The following ULK4 variants were observed in gnomAD, a reference collection of about 807,000 sequenced individuals.
ULK4 encodes the protein unc-51 like kinase 4, also known as inactive serine/threonine-protein kinase ULK4.
A neutral mutation model predicts 160.6 loss-of-function variants in ULK4; 133 were observed. The ratio of observed to expected loss-of-function variants is 0.83; its 90% CI spans 0.72 to 0.96. The LOEUF is 0.96. Ranked by LOEUF, ULK4 falls within the 40% of genes least tolerant of loss-of-function variation. The pLI, the probability that ULK4 is intolerant of heterozygous loss-of-function variation, is 0.00. For missense variants in ULK4, 1,580 were observed against 1,499.5 expected (o/e 1.05, Z -0.89); for synonymous variants, 534 against 539.8 (o/e 0.99, Z 0.15).
chr3:41,801,417 T>C (rs2040456766), intron 19 of ULK4, among the ~76,000 whole-genome samples: 1 of 152,072 alleles, frequency 6.6e-6, no homozygotes, highest in African/African-American at 2.4e-5. Flanking sequence ...AAATATTGTC[T>C]GAGAAGTTTT....
intron 35 of ULK4, among the ~76,000 whole-genome samples, chr3:41,357,464 A>G (rs1473583993): frequency 6.6e-6 from 1 of 152,018 alleles, no homozygotes; most frequent in Non-Finnish European, 1.5e-5. Context: ...AGTGGGTGGG[A>G]GCCAGAAGAT....
intron 32 of ULK4, among the ~76,000 whole-genome samples, chr3:41,549,003 G>A (rs535661371): frequency 1.3e-3 from 191 of 152,262 alleles, no homozygotes; most frequent in South Asian, 2.9e-3. Flanking sequence ...AAGCTGAAGT[G>A]CCCTACTCAA....
At chr3:41,791,472 A>G (rs1400357188) in intron 20 of ULK4, among the ~76,000 whole-genome samples, 11 of 152,238 alleles carry the variant, frequency 7.2e-5, no homozygotes, top group Non-Finnish European at 1.3e-4. Context: ...TTATAGCCAG[A>G]AAGGAAAAGG....
chr3:41,773,336 C>A (rs1575683365), intron 21 of ULK4, among the ~76,000 whole-genome samples: 3 of 152,092 alleles, frequency 2.0e-5, no homozygotes, highest in Non-Finnish European at 1.5e-5. Context: ...TGTCTCAGCC[C>A]AAAATATCCT....
chr3:41,722,113 G>A (rs2037491478), intron 22 of ULK4, among the ~76,000 whole-genome samples: 1 of 152,174 alleles, frequency 6.6e-6, no homozygotes, highest in Non-Finnish European at 1.5e-5. Context: ...GGACTGCTGT[G>A]AGGATGTAAA....
chr3:41,667,085 T>G (rs746950259), intron 29 of ULK4, among the ~76,000 whole-genome samples: 27 of 151,972 alleles, frequency 1.8e-4, no homozygotes, highest in Admixed American at 5.9e-4. Context: ...GCCCAGGCAT[T>G]TAAGGCTGCA....
intron 31 of ULK4, among the ~76,000 whole-genome samples, chr3:41,584,423 C>G (rs1260270584): frequency 2.0e-5 from 3 of 152,092 alleles, no homozygotes; most frequent in African/African-American, 7.2e-5. Flanking sequence ...TCCCAAGTAG[C>G]TGGTACCATA....
intron 32 of ULK4, among the ~76,000 whole-genome samples, chr3:41,477,661 T>C (rs554155969): frequency 6.6e-6 from 1 of 152,336 alleles, no homozygotes; most frequent in East Asian, 1.9e-4. Context: ...AGTCTGTTTT[T>C]AAACTGAAGA....
At chr3:41,279,377 G>C (rs569237632) in intron 35 of ULK4, among the ~76,000 whole-genome samples, 1 of 151,704 alleles carries the variant, frequency 6.6e-6, no homozygotes, top group East Asian at 1.9e-4. Context: ...GACCAAGTTA[G>C]AAAACTCTTC....
At chr3:41,743,350 A>G (rs1349419634) in intron 22 of ULK4, among the ~76,000 whole-genome samples, 1 of 151,902 alleles carries the variant, frequency 6.6e-6, no homozygotes, top group Non-Finnish European at 1.5e-5. Context: ...AAAACTGTCA[A>G]CTACAAGTTC....
At chr3:41,431,450 G>C (rs1323448368) in intron 34 of ULK4, among the ~76,000 whole-genome samples, 4 of 150,450 alleles carry the variant, frequency 2.7e-5, no homozygotes, top group Admixed American at 1.3e-4. Context: ...TCCTAGGTAG[G>C]GGGTGTTTAA....
chr3:41,693,753 A>G (rs376812228), intron 27 of ULK4, among the ~76,000 whole-genome samples: 4 of 152,354 alleles, frequency 2.6e-5, no homozygotes, highest in African/African-American at 9.6e-5. Context: ...TGCTCTGAAT[A>G]TATCTTTTTC....
intron 31 of ULK4, among the ~76,000 whole-genome samples, chr3:41,594,779 G>T (rs905801127): frequency 6.6e-6 from 1 of 151,896 alleles, no homozygotes; most frequent in Non-Finnish European, 1.5e-5. Context: ...TAAATGGAAC[G>T]CAAACAGCAG....
intron 35 of ULK4, among the ~76,000 whole-genome samples, chr3:41,289,404 A>G (rs1403992179): frequency 6.6e-6 from 1 of 152,196 alleles, no homozygotes; most frequent in Non-Finnish European, 1.5e-5. Context: ...AGATTTTACA[A>G]TCAACTGCAG....
At chr3:41,473,610 T>A (rs1224138303) in intron 32 of ULK4, among the ~76,000 whole-genome samples, 23 of 134,760 alleles carry the variant, frequency 1.7e-4, no homozygotes, top group African/African-American at 6.3e-4. Context: ...TGCAGTGAGC[T>A]GAGATCGCAC....
At chr3:41,442,243 T>A (rs1277536971) in intron 34 of ULK4, among the ~76,000 whole-genome samples, 1 of 152,168 alleles carries the variant, frequency 6.6e-6, no homozygotes, top group Non-Finnish European at 1.5e-5. Context: ...AAATTTAATA[T>A]CATTGTTTGT....
At chr3:41,804,660 T>C (rs1190667947) in intron 19 of ULK4, among the ~76,000 whole-genome samples, 4 of 152,162 alleles carry the variant, frequency 2.6e-5, no homozygotes, top group African/African-American at 9.7e-5. Context: ...AATTTTTGTG[T>C]AAGGTGTAAG....
chr3:41,250,835 A>G (rs796189827), intron 35 of ULK4: 6 of 152,320 alleles, frequency 3.9e-5, no homozygotes, highest in African/African-American at 1.4e-4. Flanking sequence ...TTTGTTCTGA[A>G]ATTGCACCCA....
intron 35 of ULK4, among the ~76,000 whole-genome samples, chr3:41,299,063 A>G (rs939737174): frequency 1.3e-5 from 2 of 152,146 alleles, no homozygotes; most frequent in Non-Finnish European, 2.9e-5. Context: ...TCATCCTTGA[A>G]TCTGGGCTGG....
Sources: gnomAD v4.1 joint callset for allele counts (sites outside exome capture counted in the v4.1 genomes callset) on GRCh38, gnomAD v4.1.1 for gene constraint, MANE v1.5 for transcripts, NCBI Gene and HGNC (gene_info 2026-07-23, HGNC 2026-07-21) for gene names.